Variants in TMEM232 observed in about 807,000 individuals in gnomAD.
The protein encoded by TMEM232 is transmembrane protein 232.
In TMEM232, 80 loss-of-function variants were observed where a neutral mutation model predicts 78.8. The observed-to-expected ratio is 1.01, with a 90% CI of 0.85 to 1.22. The LOEUF (loss-of-function observed/expected upper bound fraction) is 1.22. Ranked by LOEUF, TMEM232 falls within the 50% of genes most tolerant of loss-of-function variation. The probability of loss-of-function intolerance (pLI) is 0.00; values close to 1 mark genes in which losing one functional copy is unlikely to be tolerated. For synonymous variants in TMEM232, 297 were observed against 254.3 expected (o/e 1.17, Z -1.60); for missense variants, 881 against 742.2 (o/e 1.19, Z -2.17).
chr5:110,479,521 T>A (rs1763630202), intron 12 of TMEM232, among the ~76,000 whole-genome samples: 1 of 151,902 alleles, frequency 6.6e-6, no homozygotes, highest in Admixed American at 6.6e-5. Flanking sequence ...GATGGTTTTT[T>A]AACTTTATAC....
At chr5:110,524,411 G>GAAAGAAAAGA (rs202226775) in intron 12 of TMEM232, among the ~76,000 whole-genome samples, 139 of 61,440 alleles carry the variant, frequency 2.3e-3, no homozygotes, top group South Asian at 4.3e-3. Flanking sequence ...AAGAAAGAAA[G>GAAAGAAAAGA]AAAGAAAAGA....
chr5:110,526,918 A>T (rs1419385720), intron 12 of TMEM232, among the ~76,000 whole-genome samples: 1 of 151,936 alleles, frequency 6.6e-6, no homozygotes, highest in Non-Finnish European at 1.5e-5. Context: ...GGAAAAATTT[A>T]TCTGAAATGA....
intron 12 of TMEM232, among the ~76,000 whole-genome samples, chr5:110,432,386 G>A (rs1358451120): frequency 2.6e-5 from 4 of 151,628 alleles, no homozygotes; most frequent in Non-Finnish European, 5.9e-5. Context: ...GCCAAACCGA[G>A]CTTCATAAAC....
At chr5:110,535,757 A>G (rs79800624) in intron 11 of TMEM232, among the ~76,000 whole-genome samples, 5,815 of 152,250 alleles carry the variant, frequency 0.038, 160 homozygotes, top group South Asian at 0.054. Context: ...ATGTCTTCTC[A>G]TGATATAATT....
intron 12 of TMEM232, among the ~76,000 whole-genome samples, chr5:110,498,185 G>T (rs148661346): frequency 1.1e-3 from 168 of 152,164 alleles, no homozygotes; most frequent in African/African-American, 3.8e-3. Flanking sequence ...AATGAACTTT[G>T]TATTAAAGTT....
chr5:110,651,446 A>G (rs1788285193), intron 2 of TMEM232, among the ~76,000 whole-genome samples: 1 of 150,604 alleles, frequency 6.6e-6, no homozygotes, highest in African/African-American at 2.4e-5. Context: ...GAAGGGGAGG[A>G]AAAGGGAAAG....
At chr5:110,429,516 G>A (rs1757596681) in intron 12 of TMEM232, among the ~76,000 whole-genome samples, 1 of 151,792 alleles carries the variant, frequency 6.6e-6, no homozygotes, top group South Asian at 2.1e-4. Flanking sequence ...CAGGAGACAT[G>A]CATAGGTTTC....
intron 12 of TMEM232, among the ~76,000 whole-genome samples, chr5:110,518,733 A>G (rs10044085): frequency 0.045 from 6,844 of 152,306 alleles, 505 homozygotes; most frequent in African/African-American, 0.16. Flanking sequence ...CAGCTGCAAT[A>G]AAGTTTGCCT....
intron 10 of TMEM232, among the ~76,000 whole-genome samples, chr5:110,573,762 G>A (rs1468468941): frequency 3.3e-5 from 5 of 152,074 alleles, no homozygotes; most frequent in Non-Finnish European, 7.4e-5. Context: ...TGATGAAGAA[G>A]AGTTAATCAT....
intron 11 of TMEM232, among the ~76,000 whole-genome samples, chr5:110,530,115 G>A (rs188907278): frequency 1.3e-5 from 2 of 152,208 alleles, no homozygotes; most frequent in East Asian, 3.9e-4. Context: ...CCAAAATTAG[G>A]CCTGGCTAAA....
chr5:110,480,359 AC>A (rs1299069317), intron 12 of TMEM232, among the ~76,000 whole-genome samples: 1 of 152,038 alleles, frequency 6.6e-6, no homozygotes, highest in African/African-American at 2.4e-5. Context: ...AGTCTTTTGA[AC>A]AACTCACCTC....
intron 5 of TMEM232, among the ~76,000 whole-genome samples, chr5:110,634,419 TA>T (rs1278878990): frequency 1.3e-5 from 2 of 152,124 alleles, no homozygotes; most frequent in African/African-American, 4.8e-5. Context: ...GCACATGGAA[TA>T]TTCTCCAGGT....
chr5:110,697,532 T>G (rs144305145), intron 1 of TMEM232, among the ~76,000 whole-genome samples: 5,946 of 151,574 alleles, frequency 0.039, 377 homozygotes, highest in African/African-American at 0.14. Context: ...TGGGAGAAAA[T>G]TTTTACAATC....
At chr5:110,730,765 C>A (rs898699044), upstream of TMEM232, among the ~76,000 whole-genome samples, 1 of 152,154 alleles carries the variant, frequency 6.6e-6, no homozygotes, top group African/African-American at 2.4e-5. Flanking sequence ...TCCTACAATA[C>A]ACGGGAATTC....
At chr5:110,511,952 G>A (rs1767813716) in intron 12 of TMEM232, among the ~76,000 whole-genome samples, 1 of 152,100 alleles carries the variant, frequency 6.6e-6, no homozygotes, top group East Asian at 1.9e-4. Context: ...ATAGGAACCT[G>A]CACATTCTGT....
At chr5:110,736,512 T>C (rs1799186254) in intron 1 of TMEM232, among the ~76,000 whole-genome samples, 2 of 152,200 alleles carry the variant, frequency 1.3e-5, no homozygotes, top group Admixed American at 6.5e-5. Flanking sequence ...GGTAAGTTCA[T>C]ACTGTACATG....
chr5:110,465,635 A>G (rs1163610538), intron 12 of TMEM232, among the ~76,000 whole-genome samples: 2 of 152,250 alleles, frequency 1.3e-5, no homozygotes, highest in African/African-American at 4.8e-5. Flanking sequence ...AATCTAACAC[A>G]TATAGACAAC....
At chr5:110,553,352 G>C (rs1359110390) in intron 11 of TMEM232, among the ~76,000 whole-genome samples, 1 of 151,998 alleles carries the variant, frequency 6.6e-6, no homozygotes, top group African/African-American at 2.4e-5. Context: ...TTGATTCATT[G>C]TATCCATGAG....
chr5:110,600,957 C>T (rs181173272), intron 10 of TMEM232, among the ~76,000 whole-genome samples: 71 of 152,314 alleles, frequency 4.7e-4, no homozygotes, highest in Admixed American at 1.5e-3. Context: ...AGCTGATCCA[C>T]CACGATCAAG....
Sources: gnomAD v4.1 joint callset for allele counts (sites outside exome capture counted in the v4.1 genomes callset) on GRCh38, gnomAD v4.1.1 for gene constraint, MANE v1.5 for transcripts, NCBI Gene and HGNC (gene_info 2026-07-23, HGNC 2026-07-21) for gene names.